Variants in FHIT observed in about 807,000 individuals in gnomAD.
The protein encoded by FHIT is fragile histidine triad diadenosine triphosphatase, also known as bis(5'-adenosyl)-triphosphatase.
In FHIT, 19 loss-of-function variants were observed where a neutral mutation model predicts 17.9. The ratio of observed to expected loss-of-function variants is 1.06; its 90% CI spans 0.74 to 1.56. FHIT has a LOEUF of 1.56. FHIT is among the 40% of genes most tolerant of loss of function. FHIT has a pLI of 0.00. For synonymous variants in FHIT, 81 were observed against 69.7 expected, an observed-to-expected ratio of 1.16 and a Z score of -0.81; for missense variants, 248 against 189.2, an observed-to-expected ratio of 1.31 and a Z score of -1.82.
chr3:60,998,664 A>G (rs1045525359), intron 3 of FHIT, among the ~76,000 whole-genome samples: 1 of 152,142 alleles, frequency 6.6e-6, no homozygotes, highest in African/African-American at 2.4e-5. Flanking sequence ...AACATGAATT[A>G]AAGGTTTATC....
chr3:60,336,036 G>A (rs1710222922), intron 5 of FHIT, among the ~76,000 whole-genome samples: 1 of 152,156 alleles, frequency 6.6e-6, no homozygotes, highest in Non-Finnish European at 1.5e-5. Flanking sequence ...AACAACAGCT[G>A]TTGGCCTGTA....
chr3:60,204,052 A>C (rs1454779891), intron 5 of FHIT, among the ~76,000 whole-genome samples: 1 of 152,196 alleles, frequency 6.6e-6, no homozygotes, highest in Non-Finnish European at 1.5e-5. Context: ...TAAATAATTT[A>C]ATTGTACATT....
intron 8 of FHIT, among the ~76,000 whole-genome samples, chr3:59,768,276 G>A (rs1306063727): frequency 6.6e-6 from 1 of 152,196 alleles, no homozygotes; most frequent in Non-Finnish European, 1.5e-5. Context: ...CTCTGGTCCT[G>A]ACTTACTGGT....
chr3:59,855,428 A>C (rs1007347459), intron 8 of FHIT, among the ~76,000 whole-genome samples: 9 of 152,176 alleles, frequency 5.9e-5, no homozygotes, highest in African/African-American at 2.2e-4. Flanking sequence ...TTATAATCTA[A>C]GCTGTTTTAA....
chr3:61,246,818 AAACC>A (rs2040497624), intron 1 of FHIT, among the ~76,000 whole-genome samples: 1 of 152,110 alleles, frequency 6.6e-6, no homozygotes. Flanking sequence ...ACCTATTAAC[AAACC>A]TGTACATTCT....
chr3:60,889,036 C>T (rs1553759975), intron 3 of FHIT, among the ~76,000 whole-genome samples: 2 of 152,096 alleles, frequency 1.3e-5, no homozygotes, highest in Non-Finnish European at 2.9e-5. Context: ...TTTCGATTAC[C>T]TACTCCACCC....
At chr3:60,662,966 C>G (rs1310386838) in intron 4 of FHIT, among the ~76,000 whole-genome samples, 1 of 151,366 alleles carries the variant, frequency 6.6e-6, no homozygotes, top group Admixed American at 6.6e-5. Context: ...GTCTAATGCT[C>G]TAGCATCATT....
intron 1 of FHIT, among the ~76,000 whole-genome samples, chr3:61,210,221 G>A (rs913519400): frequency 5.3e-5 from 8 of 152,212 alleles, no homozygotes; most frequent in African/African-American, 1.4e-4. Context: ...CCCCTAGTGC[G>A]GGGTACCTCC....
chr3:61,039,217 C>T (rs2033390771), intron 3 of FHIT, among the ~76,000 whole-genome samples: 1 of 152,092 alleles, frequency 6.6e-6, no homozygotes, highest in African/African-American at 2.4e-5. Flanking sequence ...CAGGTTAGCT[C>T]CTACTACTGT....
At chr3:60,911,798 A>C (rs1475855312) in intron 3 of FHIT, among the ~76,000 whole-genome samples, 1 of 152,154 alleles carries the variant, frequency 6.6e-6, no homozygotes, top group Non-Finnish European at 1.5e-5. Flanking sequence ...TACCATAGAG[A>C]ATGAAACAAT....
At chr3:59,886,794 C>T (rs981667561) in intron 8 of FHIT, among the ~76,000 whole-genome samples, 1 of 152,158 alleles carries the variant, frequency 6.6e-6, no homozygotes. Flanking sequence ...CAAACCACAG[C>T]AATTACTAGT....
intron 4 of FHIT, among the ~76,000 whole-genome samples, chr3:60,715,609 TG>T (rs2041662063): frequency 1.9e-5 from 2 of 106,700 alleles, no homozygotes; most frequent in South Asian, 6.1e-4. Flanking sequence ...CATCACACTC[TG>T]GGGACTGTTG....
intron 5 of FHIT, among the ~76,000 whole-genome samples, chr3:60,330,028 G>A (rs1709888459): frequency 6.6e-6 from 1 of 152,194 alleles, no homozygotes; most frequent in African/African-American, 2.4e-5. Flanking sequence ...ATAGCCGATT[G>A]TGGTAATCCA....
At chr3:60,768,021 G>GA (rs1265622647) in intron 4 of FHIT, among the ~76,000 whole-genome samples, 9 of 152,004 alleles carry the variant, frequency 5.9e-5, no homozygotes, top group Non-Finnish European at 1.0e-4. Context: ...CCTGAAGAAG[G>GA]AAAAAAATAA....
chr3:60,749,408 G>T (rs77335328), intron 4 of FHIT, among the ~76,000 whole-genome samples: 7,435 of 152,208 alleles, frequency 0.049, 595 homozygotes, highest in African/African-American at 0.17. Flanking sequence ...CCACCTAGGA[G>T]CCTAGCACAA....
At chr3:60,949,429 G>A (rs534442363) in intron 3 of FHIT, among the ~76,000 whole-genome samples, 2 of 152,186 alleles carry the variant, frequency 1.3e-5, no homozygotes, top group Admixed American at 6.5e-5. Context: ...GAAACACAAC[G>A]CCAAGGGAAA....
chr3:60,194,423 T>C (rs1477470267), intron 5 of FHIT, among the ~76,000 whole-genome samples: 1 of 152,098 alleles, frequency 6.6e-6, no homozygotes, highest in Non-Finnish European at 1.5e-5. Flanking sequence ...TCTCATCATA[T>C]ACAAAAATCA....
intron 5 of FHIT, among the ~76,000 whole-genome samples, chr3:60,141,196 A>G (rs182396916): frequency 1.1e-4 from 16 of 152,250 alleles, no homozygotes; most frequent in Non-Finnish European, 1.9e-4. Flanking sequence ...GAATTAAAAC[A>G]TAATAAGCCC....
At chr3:59,896,320 T>C (rs1371397078) in intron 8 of FHIT, among the ~76,000 whole-genome samples, 1 of 152,234 alleles carries the variant, frequency 6.6e-6, no homozygotes, top group African/African-American at 2.4e-5. Flanking sequence ...ATACATGAAC[T>C]AGTCAGAGAA....
Sources: gnomAD v4.1 joint callset for allele counts (sites outside exome capture counted in the v4.1 genomes callset) on GRCh38, gnomAD v4.1.1 for gene constraint, MANE v1.5 for transcripts, NCBI Gene and HGNC (gene_info 2026-07-23, HGNC 2026-07-21) for gene names.